The following FBN2 variants were observed in gnomAD, a reference collection of about 807,000 sequenced individuals.
FBN2 encodes fibrillin-2.
FBN2 carries 105 observed loss-of-function variants against 355.6 expected under a neutral mutation model. That is an observed-to-expected ratio of 0.30 (90% CI 0.25 to 0.35). The LOEUF is 0.35. FBN2 is among the 10% of genes least tolerant of loss of function. The pLI, the probability that FBN2 is intolerant of heterozygous loss-of-function variation, is 1.00. For missense variants in FBN2, 3,280 were observed against 3,758.7 expected, an observed-to-expected ratio of 0.87 and a Z score of 3.33; for synonymous variants, 1,350 against 1,301.2, an observed-to-expected ratio of 1.04 and a Z score of -0.81.
chr5:128,426,044 T>G (rs753551687), intron 7 of FBN2, among the ~76,000 whole-genome samples: 1 of 152,120 alleles, frequency 6.6e-6, no homozygotes, highest in Non-Finnish European at 1.5e-5. Context: ...TCCTAATGCT[T>G]TGCCTGTAAA....
At chr5:128,270,778 A>C (rs140860730) in intron 62 of FBN2, among the ~76,000 whole-genome samples, 1 of 152,238 alleles carries the variant, frequency 6.6e-6, no homozygotes, top group African/African-American at 2.4e-5. Context: ...GATATTCTAA[A>C]GAGTGTGCCA....
intron 64 of FBN2, among the ~76,000 whole-genome samples, chr5:128,260,502 G>A (rs1455996591): frequency 6.6e-6 from 1 of 152,194 alleles, no homozygotes; most frequent in Admixed American, 6.5e-5. Flanking sequence ...AAACCACAAT[G>A]CTTTGATTGG....
intron 41 of FBN2, among the ~76,000 whole-genome samples, chr5:128,308,415 T>C (rs1749942793): frequency 6.6e-6 from 1 of 152,180 alleles, no homozygotes; most frequent in African/African-American, 2.4e-5. Context: ...GGCCTATGTG[T>C]TGCTTTTCAT....
intron 48 of FBN2, 111 bp from the exon 49 acceptor site, chr5:128,291,765 T>C (rs1561751953): frequency 6.6e-6 from 7 of 1,053,748 alleles, no homozygotes; most frequent in Non-Finnish European, 1.0e-5. Flanking sequence ...GATATTACGT[T>C]GTATGTTTAA....
intron 3 of FBN2, among the ~76,000 whole-genome samples, 168 bp from the exon 4 acceptor site, chr5:128,528,135 T>G (rs1581373060): frequency 1.3e-5 from 2 of 152,288 alleles, no homozygotes; most frequent in South Asian, 4.1e-4. Context: ...TCTTTATAAG[T>G]GCACACATGG....
At chr5:128,475,134 C>CT (rs909467294) in intron 5 of FBN2, among the ~76,000 whole-genome samples, 6 of 152,146 alleles carry the variant, frequency 3.9e-5, no homozygotes, top group African/African-American at 1.4e-4. Flanking sequence ...TATACCATGC[C>CT]TGTCTTTTAT....
intron 5 of FBN2, among the ~76,000 whole-genome samples, chr5:128,481,775 GA>G (rs1403376471): frequency 1.3e-5 from 2 of 151,400 alleles, no homozygotes; most frequent in Admixed American, 1.3e-4. Flanking sequence ...ATTTTTAGTG[GA>G]AAAAAAACAC....
rs141845901 is a variant in FBN2 at position 128,480,868 on chromosome 5, G to GC, written c.629-15948dup. Among the ~76,000 whole-genome samples the GC allele has an allele frequency of 6.7e-3, 1,027 of 152,204 alleles. 15 individuals carry two copies. Among genetic ancestry groups the GC allele is most frequent in the African/African-American group, 0.023 (959 of 41,524 alleles). ...TTCATTATGTCATGACAGTGATATC[G>GC]CAAGACTAAAGATGAGAGAGGCAGA... On this transcript the variant is annotated intron_variant, in intron 5 of 64. Transcript: ENST00000262464.
At chr5:128,374,434 A>AT (rs1386550797) in intron 15 of FBN2, among the ~76,000 whole-genome samples, 194 bp downstream of exon 15, 1 of 152,144 alleles carries the variant, frequency 6.6e-6, no homozygotes, top group East Asian at 1.9e-4. Context: ...TGGAGATTTC[A>AT]TATGGATGGA....
intron 2 of FBN2, among the ~76,000 whole-genome samples, chr5:128,531,357 CTA>C (rs1756700468): frequency 6.6e-6 from 1 of 151,972 alleles, no homozygotes; most frequent in Non-Finnish European, 1.5e-5. Flanking sequence ...GGGAGCTAAG[CTA>C]TGAGGACACA....
At chr5:128,344,629 C>T in intron 24 of FBN2, 119 bp from the exon 25 acceptor site, 1 of 891,686 alleles carries the variant, frequency 1.1e-6, no homozygotes, top group South Asian at 1.3e-5. Context: ...AAAAACAGGG[C>T]TACTAAATGT....
intron 5 of FBN2, among the ~76,000 whole-genome samples, chr5:128,471,701 C>A (rs1225086155): frequency 6.6e-6 from 1 of 152,006 alleles, no homozygotes; most frequent in Non-Finnish European, 1.5e-5. Flanking sequence ...CTTTTAACCA[C>A]AATTTTAAAT....
At chr5:128,345,077 AG>A (rs1751137303) in intron 24 of FBN2, among the ~76,000 whole-genome samples, 4 of 152,344 alleles carry the variant, frequency 2.6e-5, no homozygotes, top group Non-Finnish European at 4.4e-5. Flanking sequence ...AAGTGGGAAT[AG>A]GTAACTTTTT....
chr5:128,448,122 G>A (rs1380120944), intron 6 of FBN2, among the ~76,000 whole-genome samples: 1 of 152,022 alleles, frequency 6.6e-6, no homozygotes, highest in African/African-American at 2.4e-5. Context: ...TCACTTTGCT[G>A]TAGACCCAGA....
rs375666281 is a variant in FBN2, at chr5:128,361,741, C to T, written c.2536G>A (p.Glu846Lys). The T allele has an allele frequency of 2.1e-4, 339 of 1,614,050 alleles. No homozygotes were observed. The highest frequency in any genetic ancestry group is 2.8e-4 in the Non-Finnish European group (331 of 1,180,006). The stretch of plus-strand genomic sequence containing the variant: ...CTCTTACCTTCACAGGTCTCTGTCT[C>T]AGTCCTGAACACATACCCTGGTGGG... ...TCPPGYVFRT[E>K]TETCEDINEC... The change falls in exon 19 of 65, where the codon GAG becomes AAG. Residue 846 changes from glutamate (E) to lysine (K), a missense_variant. Physicochemically the swap from Glu to Lys is moderately conservative, Grantham distance 56. Around this residue, in one of 6 missense-constraint regions of FBN2, gnomAD observed 2,284 missense variants for 2,749.5 expected, o/e 0.83. Transcript: ENST00000262464.
intron 11 of FBN2, among the ~76,000 whole-genome samples, chr5:128,386,269 C>T (rs956968549): frequency 1.3e-5 from 2 of 152,016 alleles, no homozygotes; most frequent in Admixed American, 6.6e-5. Context: ...CATCATTTAT[C>T]GAATAGGGAG....
At chr5:128,490,228 C>T (rs965823300) in intron 5 of FBN2, among the ~76,000 whole-genome samples, 8 of 152,058 alleles carry the variant, frequency 5.3e-5, no homozygotes, top group African/African-American at 1.4e-4. Context: ...GAGCCATACC[C>T]AGATCAAGTA....
At position 128,395,328 on chromosome 5, in the gene FBN2, C is replaced by T. The variant is rs1320986475; in HGVS notation, c.1079-54G>A. On this transcript the variant is annotated intron_variant, in intron 8 of 64. Coordinates refer to ENST00000262464, the MANE Select transcript of FBN2 (RefSeq NM_001999.4). Reference sequence around the variant, plus strand: ...ATGGCAGAATTACCTCAGGTTCTTACAACAATCACTGTACATGAGATGAAT... The same window carrying T: ...ATGGCAGAATTACCTCAGGTTCTTATAACAATCACTGTACATGAGATGAAT... The T allele has an allele frequency of 5.0e-6, 8 of 1,589,028 alleles. 1 individual carries two copies. In the Middle Eastern group the frequency reaches 1.1e-3, roughly 218 times the overall value.
intron 34 of FBN2, among the ~76,000 whole-genome samples, chr5:128,320,443 G>A (rs1223580109): frequency 6.6e-6 from 1 of 152,020 alleles, no homozygotes; most frequent in Non-Finnish European, 1.5e-5. Context: ...TGAACTCCTG[G>A]GCTCATGGGA....
Sources: gnomAD v4.1 joint callset for allele counts (sites outside exome capture counted in the v4.1 genomes callset) on GRCh38, gnomAD v4.1.1 for gene constraint, gnomAD v4.1.1 regional missense constraint, MANE v1.5 for transcripts, NCBI Gene and HGNC (gene_info 2026-07-23, HGNC 2026-07-21) for gene names.